Variants in ZSCAN25 observed in about 807,000 individuals in gnomAD.
ZSCAN25 encodes the protein zinc finger and SCAN domain containing 25.
In ZSCAN25, 27 loss-of-function variants were observed where a neutral mutation model predicts 38.7. The ratio of observed to expected loss-of-function variants is 0.70; its 90% CI spans 0.51 to 0.96. The LOEUF (loss-of-function observed/expected upper bound fraction) is 0.96. ZSCAN25 is among the 40% of genes least tolerant of loss of function. The pLI is 0.00. For synonymous variants in ZSCAN25, 273 were observed against 277.7 expected, an observed-to-expected ratio of 0.98 and a Z score of 0.17; for missense variants, 637 against 705.9, an observed-to-expected ratio of 0.90 and a Z score of 1.11.
In ZSCAN25 at chr7:99,630,469, C is replaced by T. The variant is rs1807910845; in HGVS notation, c.*449C>T. On this transcript the variant is annotated 3_prime_UTR_variant, in exon 8 of 8. Transcript: ENST00000394152. ...AAACATTTATTGAACATCCTCTGAG[C>T]ACCTGGCCGTGGGAATGCCGTGGTG... is the stretch of plus-strand genomic sequence containing the variant. The T allele has an allele frequency of 5.0e-6, 5 of 997,898 alleles. No homozygotes were observed. The South Asian group carries it at 1.3e-4, about 27-fold the overall frequency. The allele number at this position is 997,898 out of a possible 1,614,324, so 61.8% of individuals were successfully genotyped here.
At chr7:99,648,364 GT>G in the ZSCAN25 span, 1 of 1,611,782 alleles carries the variant, frequency 6.2e-7, no homozygotes, top group Non-Finnish European at 8.5e-7. Context: ...GGTTTTTCTG[GT>G]TGAAGAAGTC....
chr7:99,619,873 G>T lies in ZSCAN25; in HGVS notation c.267G>T (p.Gln89His), dbSNP rs202030265. The T allele has an allele frequency of 6.2e-7, 1 of 1,614,230 alleles. No homozygotes were observed. The highest frequency in any genetic ancestry group is 2.2e-5 in the East Asian group (1 of 44,876). ...EQILELLVLE[Q>H]FLTILPREFY... Reference sequence around the variant, plus strand: ...TCCTGGAGCTGCTGGTGCTGGAGCAGTTCCTCACTATCCTGCCCCGCGAGT... The same window carrying T: ...TCCTGGAGCTGCTGGTGCTGGAGCATTTCCTCACTATCCTGCCCCGCGAGT... The change falls in exon 4 of 8, where the codon CAG (glutamine) becomes CAT (histidine). Residue 89 changes from glutamine (Q) to histidine (H), a missense_variant. Coordinates refer to ENST00000394152, the MANE Select transcript of ZSCAN25 (RefSeq NM_145115.3).
At chr7:99,624,474 G>C in intron 7 of ZSCAN25, 1 of 384,522 alleles carries the variant, frequency 2.6e-6, no homozygotes. Flanking sequence ...GAGGGCTTGA[G>C]AACAAGATAC....
chr7:99,650,321 CT>C, the ZSCAN25 span: 71 of 1,204,616 alleles, frequency 5.9e-5, 1 homozygote, highest in East Asian at 1.5e-3. Flanking sequence ...AACAACCCCC[CT>C]CCACCTCCCA....
the ZSCAN25 span, chr7:99,695,849 G>A: frequency 8.1e-6 from 13 of 1,611,750 alleles, no homozygotes; most frequent in South Asian, 1.3e-4. Context: ...TCTACAAACT[G>A]AATCAGAAAT....
At chr7:99,707,040 A>T in the ZSCAN25 span, among the ~76,000 whole-genome samples, 4 of 152,240 alleles carry the variant, frequency 2.6e-5, no homozygotes, top group Non-Finnish European at 5.9e-5. Flanking sequence ...GGAGTAAATG[A>T]GCCCTGGACT....
At chr7:99,649,801 A>C in the ZSCAN25 span, among the ~76,000 whole-genome samples, 1 of 152,112 alleles carries the variant, frequency 6.6e-6, no homozygotes, top group Admixed American at 6.6e-5. Context: ...ACTTCTTTCC[A>C]ATTGACTTGA....
chr7:99,620,108 G>A lies in ZSCAN25; in HGVS notation c.387+115G>A, dbSNP rs897328164. ...ACGAGGTGTGGAGCCGCCCTCCTCTGCCCTCAGACTCCCTGAGGTTCTTTT... is the reference window on the plus strand; with the variant it reads ...ACGAGGTGTGGAGCCGCCCTCCTCTACCCTCAGACTCCCTGAGGTTCTTTT... On this transcript the variant is annotated intron_variant, in intron 4 of 7. Coordinates refer to ENST00000394152, the MANE Select transcript of ZSCAN25 (RefSeq NM_145115.3). 40 of 1,389,664 alleles carry A rather than the reference G, an allele frequency of 2.9e-5. No individual in the cohort carries two copies. In the Middle Eastern group the frequency reaches 7.7e-4, roughly 27 times the overall value. 86.1% of individuals were successfully genotyped at this position (1,389,664 alleles called of 1,614,324 possible).
chr7:99,621,389 A>C lies in ZSCAN25; in HGVS notation c.404A>C (p.Gln135Pro). The change falls in exon 5 of 8, where the codon CAG (glutamine) becomes CCG (proline). Residue 135 changes from glutamine (Q) to proline (P), a missense_variant. Coordinates refer to ENST00000394152, the MANE Select transcript of ZSCAN25 (RefSeq NM_145115.3). ...LEAKAVPCHR[Q>P]GEQEETALCR... ...TGTTCTTAGGTTCCATGCCACAGGC[A>C]GGGAGAGCAGGAGGAAACAGCACTT... 1 of 1,436,848 alleles carries C rather than the reference A, an allele frequency of 7.0e-7. No individual in the cohort carries two copies. Among genetic ancestry groups the C allele is most frequent in the Non-Finnish European group, 9.3e-7 (1 of 1,080,376 alleles). The allele number at this position is 1,436,848 out of a possible 1,614,324, so 89.0% of individuals were successfully genotyped here.
At chr7:99,674,621 T>G in the ZSCAN25 span, 2 of 1,578,374 alleles carry the variant, frequency 1.3e-6, no homozygotes, top group Non-Finnish European at 1.7e-6. Context: ...TGATTATTAT[T>G]TTAAATAGAA....
At chr7:99,617,413 T>C (rs1806563676) in intron 1 of ZSCAN25, among the ~76,000 whole-genome samples, 1 of 152,186 alleles carries the variant, frequency 6.6e-6, no homozygotes, top group Non-Finnish European at 1.5e-5. Flanking sequence ...CGAGACCCTG[T>C]CTCTACAAAA....
chr7:99,634,536 T>C (rs1267857893), downstream of ZSCAN25, among the ~76,000 whole-genome samples: 1 of 152,138 alleles, frequency 6.6e-6, no homozygotes, highest in East Asian at 1.9e-4. Flanking sequence ...ACGCCTGTAA[T>C]CCCAGCACTT....
chr7:99,663,808 C>T, the ZSCAN25 span: 2 of 1,334,182 alleles, frequency 1.5e-6, no homozygotes, highest in Non-Finnish European at 1.9e-6. Flanking sequence ...TCATCTCCTT[C>T]CCCAATCTCC....
chr7:99,680,042 G>T, the ZSCAN25 span: 1 of 711,494 alleles, frequency 1.4e-6, no homozygotes. Context: ...GGAGAAGGAG[G>T]CAGGGCTATA....
intron 2 of ZSCAN25, among the ~76,000 whole-genome samples, 176 bp from the exon 3 acceptor site, chr7:99,618,872 G>A (rs1466269714): frequency 6.6e-6 from 1 of 152,152 alleles, no homozygotes; most frequent in African/African-American, 2.4e-5. Context: ...ACTGGGATAT[G>A]GCTTGTTCTT....
chr7:99,725,969 G>T, the ZSCAN25 span, among the ~76,000 whole-genome samples: 8 of 152,104 alleles, frequency 5.3e-5, no homozygotes, highest in South Asian at 1.7e-3. Context: ...GTGCCAAATT[G>T]GGCAACATTC....
At position 99,630,425 on chromosome 7, in the gene ZSCAN25, C is replaced by G. The variant is rs941906745; in HGVS notation, c.*405C>G. The G allele has an allele frequency of 9.9e-6, 10 of 1,013,014 alleles. No homozygotes were observed. Among genetic ancestry groups the G allele is most frequent in the Admixed American group, 5.4e-5 (1 of 18,674 alleles). 62.8% of individuals were successfully genotyped at this position (1,013,014 alleles called of 1,614,324 possible). On this transcript the variant is annotated 3_prime_UTR_variant, in exon 8 of 8. Transcript: ENST00000394152. The stretch of plus-strand genomic sequence containing the variant: ...CATAGCTCAGACTCTTCCCCCACCC[C>G]CTCTCTTTTCCATTGAACAAACATT...
chr7:99,676,120 G>T, the ZSCAN25 span: 1 of 1,613,420 alleles, frequency 6.2e-7, no homozygotes, highest in South Asian at 1.1e-5. Context: ...CTCACCTGAC[G>T]ATAGGACAAA....
the ZSCAN25 span, among the ~76,000 whole-genome samples, chr7:99,736,869 A>G: frequency 1.8e-3 from 269 of 152,260 alleles, no homozygotes; most frequent in African/African-American, 6.2e-3. Context: ...TGTGCCAGGT[A>G]TGTGCCGGGA....
Sources: allele counts gnomAD v4.1 joint callset (sites outside exome capture counted in the v4.1 genomes callset), GRCh38; gene constraint gnomAD v4.1.1; transcripts MANE v1.5; gene names NCBI Gene and HGNC (gene_info 2026-07-23, HGNC 2026-07-21).